PPRC1: variants seen among roughly 807,000 people sequenced by gnomAD.
PPRC1 encodes peroxisome proliferator-activated receptor gamma coactivator-related protein 1.
PPRC1 carries 23 observed loss-of-function variants against 132.5 expected under a neutral mutation model. That is an observed-to-expected ratio of 0.17 (90% CI 0.12 to 0.25). PPRC1 has a LOEUF of 0.25. Among genes scored for constraint, PPRC1 ranks in the 10% least tolerant of loss-of-function variants. The pLI is 1.00. For missense variants in PPRC1, 2,006 were observed against 2,089.1 expected, an observed-to-expected ratio of 0.96 and a Z score of 0.78; for synonymous variants, 872 against 833.5, an observed-to-expected ratio of 1.05 and a Z score of -0.80.
At chr10:102,131,992 C>T (rs899157693), upstream of PPRC1, among the ~76,000 whole-genome samples, 1 of 152,126 alleles carries the variant, frequency 6.6e-6, no homozygotes, top group African/African-American at 2.4e-5. Flanking sequence ...AATAACAATA[C>T]ATTCATAAAA....
At chr10:102,120,112 T>G in the PPRC1 span, 1 of 1,369,562 alleles carries the variant, frequency 7.3e-7, no homozygotes, top group Non-Finnish European at 9.6e-7. Flanking sequence ...CACTGACATC[T>G]TCACATCGCC....
chr10:102,148,532 G>T lies in PPRC1; in HGVS notation c.4550+11G>T, dbSNP rs1277447461. On this transcript the variant is annotated intron_variant, in intron 10 of 13. Coordinates refer to ENST00000278070, the MANE Select transcript of PPRC1 (RefSeq NM_015062.5). This position sits in a 1 kb window ranked among gnomAD's most constrained non-coding sequence, Gnocchi z 4.2. ...TGACAGGAGGCGGCGGTGAGCATGTGTTCAGGGAGCGCCATGCACCTGGGA... is the reference window on the plus strand; with the variant it reads ...TGACAGGAGGCGGCGGTGAGCATGTTTTCAGGGAGCGCCATGCACCTGGGA... 1 of 1,612,892 alleles carries T rather than the reference G, an allele frequency of 6.2e-7. No homozygotes were observed. The highest frequency in any genetic ancestry group is 8.5e-7 in the Non-Finnish European group (1 of 1,178,950).
chr10:102,149,819 C>G (rs2133738980), intron 13 of PPRC1, 107 bp from the exon 14 acceptor site: 1 of 815,700 alleles, frequency 1.2e-6, no homozygotes, highest in South Asian at 1.5e-5. Flanking sequence ...AAAATTAGAG[C>G]AGTTTTCACT....
chr10:102,138,151 C>A, intron 2 of PPRC1, 113 bp downstream of exon 2: 1 of 1,113,636 alleles, frequency 9.0e-7, no homozygotes, highest in Non-Finnish European at 1.3e-6. Flanking sequence ...TTCCTGGGTG[C>A]CCAACCTGAA....
the PPRC1 span, among the ~76,000 whole-genome samples, chr10:102,123,348 ACC>A: frequency 6.6e-6 from 1 of 151,424 alleles, no homozygotes; most frequent in African/African-American, 2.4e-5. Flanking sequence ...GGTCACAGAC[ACC>A]TGGCAGACAG....
chr10:102,145,229 G>A (rs996848291), intron 8 of PPRC1, 139 bp downstream of exon 8: 1 of 801,784 alleles, frequency 1.2e-6, no homozygotes, highest in Non-Finnish European at 1.9e-6. Flanking sequence ...AGTCTAGGGG[G>A]CAGACTTGTA....
At chr10:102,144,195 C>T (rs1482468843) in intron 6 of PPRC1, 55 bp from the exon 7 acceptor site, 28 of 1,561,504 alleles carry the variant, frequency 1.8e-5, no homozygotes, top group Non-Finnish European at 1.8e-6. Flanking sequence ...CCCTTCTGTG[C>T]CGCCTCAGTC....
chr10:102,143,127 A>T (rs765541822), intron 6 of PPRC1, 29 bp downstream of exon 6: 1 of 1,600,084 alleles, frequency 6.2e-7, no homozygotes, highest in South Asian at 1.1e-5. Context: ...TTTTGCTCCA[A>T]CTCTTTTTTT....
intron 2 of PPRC1, 34 bp downstream of exon 2, chr10:102,138,072 A>C: frequency 6.3e-7 from 1 of 1,598,506 alleles, no homozygotes; most frequent in Non-Finnish European, 8.5e-7. Context: ...ATCTTCAAGC[A>C]GGAGGTTTAC....
intron 8 of PPRC1, 47 bp from the exon 9 acceptor site, chr10:102,146,625 A>T: frequency 1.0e-5 from 16 of 1,552,600 alleles, no homozygotes; most frequent in Non-Finnish European, 1.4e-5. Flanking sequence ...TTGGAAGCGT[A>T]GAATCGGATC....
At chr10:102,126,010 G>A in the PPRC1 span, among the ~76,000 whole-genome samples, 1 of 151,714 alleles carries the variant, frequency 6.6e-6, no homozygotes, top group African/African-American at 2.4e-5. Context: ...CTACAGGCAT[G>A]CACCACCATG....
chr10:102,148,544 C>T lies in PPRC1; in HGVS notation c.4550+23C>T, dbSNP rs763194635. 1.1e-5 allele frequency: 17 copies of T among 1,612,108 alleles called. No individual in the cohort carries two copies. Among genetic ancestry groups the T allele is most frequent in the Non-Finnish European group, 1.4e-5 (16 of 1,178,162 alleles). On this transcript the variant is annotated intron_variant, in intron 10 of 13. Transcript: ENST00000278070. This position sits in a 1 kb window ranked among gnomAD's most constrained non-coding sequence, Gnocchi z 4.2. ...GCGGTGAGCATGTGTTCAGGGAGCG[C>T]CATGCACCTGGGATGCAGGTGCCTA...
the PPRC1 span, chr10:102,120,169 A>G: frequency 8.2e-7 from 1 of 1,218,428 alleles, no homozygotes. Flanking sequence ...CCTCGCGGGG[A>G]CAGGCCGGGC....
chr10:102,133,013 C>T (rs1393301668), upstream of PPRC1: 6 of 1,236,476 alleles, frequency 4.9e-6, no homozygotes, highest in African/African-American at 1.6e-5. Context: ...TTCCCACAAT[C>T]GGCTGGGCGA....
Position 102,139,318 on chromosome 10 carries a change from T to C in PPRC1, c.810T>C (p.Ser270=). ...LAGELDNCVS[S]IPDFPMHLAC... ...GGGAGCTTGACAACTGTGTGAGCAG[T>C]ATCCCGGACTTCCCCATGCATTTGG... The change falls in exon 5 of 14, where the codon AGT becomes AGC. Residue 270 remains serine (S), a synonymous_variant. Coordinates refer to ENST00000278070, the MANE Select transcript of PPRC1 (RefSeq NM_015062.5). 6.2e-7 allele frequency: 1 copy of C among 1,614,162 alleles called. No homozygotes were observed. The highest frequency in any genetic ancestry group is 8.5e-7 in the Non-Finnish European group (1 of 1,179,994).
chr10:102,140,352 C>T lies in PPRC1; in HGVS notation c.1844C>T (p.Ala615Val). The part of the protein sequence containing the change: ...VPVDPGLVDL[A>V]STSSELVEPL... ...GTTGACCCTGGGTTGGTTGACCTTGCTTCAACCAGCTCAGAACTGGTTGAG... is the reference window on the plus strand; with the variant it reads ...GTTGACCCTGGGTTGGTTGACCTTGTTTCAACCAGCTCAGAACTGGTTGAG... Residue 615 changes from alanine to valine, a missense_variant, in exon 5 of 14, where the codon GCT becomes GTT. This residue lies in a region of PPRC1 where 1,914 missense variants were observed against 1,917.2 expected (regional missense o/e 1.00). Coordinates refer to ENST00000278070, the MANE Select transcript of PPRC1 (RefSeq NM_015062.5). 1 of 1,614,164 alleles carries T rather than the reference C, an allele frequency of 6.2e-7. No individual in the cohort carries two copies. Among genetic ancestry groups the T allele is most frequent in the Non-Finnish European group, 8.5e-7 (1 of 1,180,018 alleles).
chr10:102,148,261 T>A lies in PPRC1; in HGVS notation c.4401-111T>A. 1 of 1,284,622 alleles carries A rather than the reference T, an allele frequency of 7.8e-7. No individual in the cohort carries two copies. The highest frequency in any genetic ancestry group is 1.1e-6 in the Non-Finnish European group (1 of 924,368). The allele number at this position is 1,284,622 out of a possible 1,614,324, so 79.6% of individuals were successfully genotyped here. ...CTTCTAGACCTCTTCTACTCTGCTT[T>A]GTCTTTGGTCCTGAGCTTCCTAAAA... On this transcript the variant is annotated intron_variant, in intron 9 of 13. Transcript: ENST00000278070. This position sits in a 1 kb window ranked among gnomAD's most constrained non-coding sequence, Gnocchi z 4.2.
intron 12 of PPRC1, 53 bp from the exon 13 acceptor site, chr10:102,149,125 T>A: frequency 1.3e-6 from 2 of 1,537,338 alleles, no homozygotes; most frequent in Non-Finnish European, 1.8e-6. Flanking sequence ...GTCTCCTCTA[T>A]GGCATGGGCC....
At chr10:102,147,501 G>A (rs777199566) in intron 9 of PPRC1, 109 bp downstream of exon 9, 12 of 1,377,994 alleles carry the variant, frequency 8.7e-6, no homozygotes, top group Admixed American at 2.4e-5. Context: ...AGGCGCTAAG[G>A]CTTCTATTTC....
Sources: allele counts gnomAD v4.1 joint callset (sites outside exome capture counted in the v4.1 genomes callset), GRCh38; gene constraint gnomAD v4.1.1; regional missense constraint gnomAD v4.1.1; non-coding constraint Gnocchi (gnomAD v3.1); transcripts MANE v1.5; gene names NCBI Gene and HGNC (gene_info 2026-07-23, HGNC 2026-07-21).